Variants in CLPB observed in about 807,000 individuals in gnomAD.
CLPB encodes mitochondrial disaggregase.
A neutral mutation model predicts 78.4 loss-of-function variants in CLPB; 40 were observed. The ratio of observed to expected loss-of-function variants is 0.51; its 90% CI spans 0.40 to 0.66. The LOEUF (loss-of-function observed/expected upper bound fraction) is 0.66, where lower values mean the gene tolerates loss of function less well. Ranked by LOEUF, CLPB falls within the 30% of genes least tolerant of loss-of-function variation. CLPB has a pLI of 0.00. For missense variants in CLPB, 780 were observed against 886.9 expected (o/e 0.88, Z 1.53); for synonymous variants, 333 against 348.0 (o/e 0.96, Z 0.48).
At chr11:72,377,464 G>A (rs1565471597) in intron 4 of CLPB, among the ~76,000 whole-genome samples, 3 of 152,138 alleles carry the variant, frequency 2.0e-5, no homozygotes, top group African/African-American at 7.2e-5. Flanking sequence ...AATAAGAAGA[G>A]ATAGTTAATA....
rs527448042 is a variant in CLPB, at chr11:72,426,644, CA to C, written c.455+3667del. 1.1e-4 allele frequency among the ~76,000 whole-genome samples: 16 copies of C among 152,300 alleles called. No homozygotes were observed. In the East Asian group the frequency reaches 3.1e-3, roughly 29 times the overall value. On this transcript the variant is annotated intron_variant, in intron 2 of 15. Coordinates refer to ENST00000538039, the MANE Select transcript of CLPB (RefSeq NM_001258392.3). The stretch of plus-strand genomic sequence containing the variant: ...GTGAAAGCCTCTGGACTGCTTACTT[CA>C]GGTACACTGAAAAGTCAATAAAAAG...
intron 4 of CLPB, among the ~76,000 whole-genome samples, chr11:72,378,856 GA>G (rs1425187746): frequency 6.6e-6 from 1 of 152,226 alleles, no homozygotes; most frequent in African/African-American, 2.4e-5. Flanking sequence ...ATGGGTAGAT[GA>G]GAGTTCAAGT....
At chr11:72,360,616 T>C (rs1042203576) in intron 4 of CLPB, among the ~76,000 whole-genome samples, 4 of 152,052 alleles carry the variant, frequency 2.6e-5, no homozygotes, top group African/African-American at 9.7e-5. Flanking sequence ...TTTGTATTTT[T>C]AGTAGAGATG....
In CLPB at chr11:72,380,253, T is replaced by C. The variant is rs373549942; in HGVS notation, c.646+28A>G. ...CATGAAAGCCACAAGAGGAGAGCTCTCAGAGAAGCAGGACAGCCCACACTT... is the reference window on the plus strand; with the variant it reads ...CATGAAAGCCACAAGAGGAGAGCTCCCAGAGAAGCAGGACAGCCCACACTT... On this transcript the variant is annotated intron_variant, in intron 4 of 15. Transcript: ENST00000538039. The C allele has an allele frequency of 1.5e-5, 24 of 1,548,648 alleles. No homozygotes were observed. The African/African-American group carries it at 3.1e-4, about 20-fold the overall frequency.
At chr11:72,426,612 G>C (rs1478511920) in intron 2 of CLPB, among the ~76,000 whole-genome samples, 4 of 152,188 alleles carry the variant, frequency 2.6e-5, no homozygotes, top group Non-Finnish European at 5.9e-5. Context: ...ATATAGCCAA[G>C]GGGAGTGTGA....
intron 2 of CLPB, among the ~76,000 whole-genome samples, chr11:72,424,811 G>A (rs1314120163): frequency 1.3e-5 from 2 of 151,968 alleles, no homozygotes; most frequent in Non-Finnish European, 1.5e-5. Flanking sequence ...GCATGAACCC[G>A]GGTGGCGGAG....
chr11:72,297,702 T>TGTGTGA lies in CLPB; in HGVS notation c.1330-2055_1330-2054insTCACAC, dbSNP rs1464583884. On this transcript the variant is annotated intron_variant, in intron 11 of 15. Coordinates refer to ENST00000538039, the MANE Select transcript of CLPB (RefSeq NM_001258392.3). ...GTGTGTGTGTGTGTGTGTGTGTGTG[T>TGTGTGA]GACATGTCCAAGCATGTGCATATGA... 4.2e-3 allele frequency among the ~76,000 whole-genome samples: 544 copies of TGTGTGA among 129,748 alleles called. 40 individuals carry two copies. Among genetic ancestry groups the TGTGTGA allele is most frequent in the Middle Eastern group, 8.1e-3 (2 of 248 alleles). The allele number at this position is 129,748 out of a possible 152,430, so 85.1% of individuals were successfully genotyped here.
chr11:72,306,173 G>A (rs1451148921), intron 9 of CLPB, among the ~76,000 whole-genome samples: 1 of 152,264 alleles, frequency 6.6e-6, no homozygotes, highest in African/African-American at 2.4e-5. Context: ...TACTGGCAGA[G>A]CTAGGGGGAG....
chr11:72,429,278 T>C (rs991828819), intron 2 of CLPB, among the ~76,000 whole-genome samples: 1 of 152,178 alleles, frequency 6.6e-6, no homozygotes, highest in African/African-American at 2.4e-5. Flanking sequence ...CCAAAAGTGG[T>C]TTATTAAAAA....
intron 3 of CLPB, among the ~76,000 whole-genome samples, chr11:72,397,629 AT>A (rs1365074904): frequency 1.3e-5 from 2 of 152,118 alleles, no homozygotes; most frequent in Non-Finnish European, 2.9e-5. Context: ...TCATGTGCTT[AT>A]TTGCCACCCA....
At chr11:72,328,314 A>G (rs993534482) in intron 6 of CLPB, among the ~76,000 whole-genome samples, 1 of 152,232 alleles carries the variant, frequency 6.6e-6, no homozygotes, top group African/African-American at 2.4e-5. Context: ...ACATAAGGCA[A>G]AAATAAATCT....
rs1311307059 is a variant in CLPB at position 72,289,736 on chromosome 11, A to T, written c.*3631T>A. On this transcript the variant is annotated 3_prime_UTR_variant, in exon 16 of 16. Coordinates refer to ENST00000538039, the MANE Select transcript of CLPB (RefSeq NM_001258392.3). ...CAGGAATGCACCACCATGCCTGGCT[A>T]ATTTTTTATTTTTTAAACGTTTGGA... 2.0e-5 allele frequency: 3 copies of T among 151,904 alleles called. No individual in the cohort carries two copies. The highest frequency in any genetic ancestry group is 6.6e-5 in the Admixed American group (1 of 15,246). The allele number at this position is 151,904 out of a possible 1,614,324, so 9.4% of individuals were successfully genotyped here. A position where few individuals can be genotyped will look rare whatever the true frequency, so the allele number is the denominator to read the frequency against.
chr11:72,399,607 G>C lies in CLPB; in HGVS notation c.542+3359C>G, dbSNP rs554540392. ...AAGCTCCTTAAGGACAGAGACTATT[G>C]TATTCTATATCCCTAAAGACTTAAC... On this transcript the variant is annotated intron_variant, in intron 3 of 15. Coordinates refer to ENST00000538039, the MANE Select transcript of CLPB (RefSeq NM_001258392.3). Among the ~76,000 whole-genome samples the C allele has an allele frequency of 9.8e-5, 15 of 152,300 alleles. No individual in the cohort carries two copies. In the South Asian group the frequency reaches 2.9e-3, roughly 29 times the overall value.
chr11:72,334,096 A>T (rs941974058), intron 5 of CLPB, among the ~76,000 whole-genome samples: 3 of 152,226 alleles, frequency 2.0e-5, no homozygotes, highest in African/African-American at 7.2e-5. Context: ...AAGACAGTGG[A>T]AGAACGAACA....
chr11:72,307,952 C>T (rs1949774059), intron 8 of CLPB, among the ~76,000 whole-genome samples: 1 of 152,120 alleles, frequency 6.6e-6, no homozygotes, highest in African/African-American at 2.4e-5. Flanking sequence ...CATCAGGTTC[C>T]CTTCAGGTTC....
chr11:72,430,171 T>C, intron 2 of CLPB, 141 bp downstream of exon 2: 1 of 780,590 alleles, frequency 1.3e-6, no homozygotes, highest in Non-Finnish European at 2.2e-6. Flanking sequence ...CCCAGGTGAC[T>C]CTGTGACTAC....
chr11:72,300,649 C>A (rs1190181403), intron 11 of CLPB, among the ~76,000 whole-genome samples: 1 of 152,110 alleles, frequency 6.6e-6, no homozygotes, highest in Non-Finnish European at 1.5e-5. Context: ...TGGCTTGGTA[C>A]CTGATGTGCT....
intron 2 of CLPB, among the ~76,000 whole-genome samples, chr11:72,417,587 G>T (rs1040664129): frequency 6.6e-6 from 1 of 152,154 alleles, no homozygotes; most frequent in Non-Finnish European, 1.5e-5. Context: ...TTTAAAGGTT[G>T]AATTTTATGG....
At chr11:72,360,877 A>AT (rs1950826343) in intron 4 of CLPB, among the ~76,000 whole-genome samples, 6 of 152,218 alleles carry the variant, frequency 3.9e-5, no homozygotes, top group Non-Finnish European at 8.8e-5. Context: ...TGAGGCTCAG[A>AT]GGTCACATAG....
Sources: allele counts gnomAD v4.1 joint callset (sites outside exome capture counted in the v4.1 genomes callset), GRCh38; gene constraint gnomAD v4.1.1; transcripts MANE v1.5; gene names NCBI Gene and HGNC (gene_info 2026-07-23, HGNC 2026-07-21).